The following MANBA variants were observed in gnomAD, a reference collection of about 807,000 sequenced individuals.
The protein encoded by MANBA is beta-mannosidase.
In MANBA, 83 loss-of-function variants were observed where a neutral mutation model predicts 111.1. The ratio of observed to expected loss-of-function variants is 0.75; its 90% CI spans 0.63 to 0.90. The LOEUF (loss-of-function observed/expected upper bound fraction) is 0.90, where lower values mean the gene tolerates loss of function less well. MANBA is among the 40% of genes least tolerant of loss of function. MANBA has a pLI of 0.00. For missense variants in MANBA, 1,036 were observed against 1,069.0 expected, an observed-to-expected ratio of 0.97 and a Z score of 0.43; for synonymous variants, 370 against 378.7, an observed-to-expected ratio of 0.98 and a Z score of 0.27.
chr4:102,695,642 T>G (rs1732672424), intron 5 of MANBA, among the ~76,000 whole-genome samples: 1 of 152,196 alleles, frequency 6.6e-6, no homozygotes, highest in African/African-American at 2.4e-5. Context: ...AGGCCCTGAC[T>G]GCAGCACTTC....
chr4:102,647,561 T>TACAC (rs947910366), intron 13 of MANBA, among the ~76,000 whole-genome samples: 3 of 151,356 alleles, frequency 2.0e-5, no homozygotes, highest in Non-Finnish European at 4.4e-5. Flanking sequence ...AAGTCTCTTA[T>TACAC]ACACACACAC....
Position 102,635,386 on chromosome 4 carries a change from C to T in MANBA, c.2158-341G>A, listed in dbSNP as rs145288991. Among the ~76,000 whole-genome samples, 33 of 152,296 alleles carry T rather than the reference C, an allele frequency of 2.2e-4. 1 individual carries two copies. In the East Asian group the frequency reaches 6.2e-3, roughly 28 times the overall value. On this transcript the variant is annotated intron_variant, in intron 15 of 16. Coordinates refer to ENST00000647097, the MANE Select transcript of MANBA (RefSeq NM_005908.4). Reference sequence around the variant, plus strand: ...ATTAGTGTCCTCCAAACTATAGCCACCTAAGACTTTGAGTTTCTAGCCTTT... The same window carrying T: ...ATTAGTGTCCTCCAAACTATAGCCATCTAAGACTTTGAGTTTCTAGCCTTT...
At chr4:102,694,101 G>A (rs28696020) in intron 5 of MANBA, among the ~76,000 whole-genome samples, 4,239 of 152,154 alleles carry the variant, frequency 0.028, 139 homozygotes, top group African/African-American at 0.078. Context: ...AAAGGTCATC[G>A]GCAAAATTCC....
rs1217473204 is a variant in MANBA at position 102,676,204 on chromosome 4, T to C, written c.961-2134A>G. Among the ~76,000 whole-genome samples, 6 of 152,194 alleles carry C rather than the reference T, an allele frequency of 3.9e-5. No homozygotes were observed. In the East Asian group the frequency reaches 9.6e-4, roughly 24 times the overall value. On this transcript the variant is annotated intron_variant, in intron 7 of 16. Transcript: ENST00000647097. ...ACTTACCTTTTTGTGCGTTATGCAA[T>C]GGAACATTTAAAAATAATATTTATG...
In MANBA at chr4:102,670,169, A is replaced by T. The variant is rs1006904209; in HGVS notation, c.1230+1112T>A. Among the ~76,000 whole-genome samples, 321 of 120,522 alleles carry T rather than the reference A, an allele frequency of 2.7e-3. 2 individuals carry two copies. Among genetic ancestry groups the T allele is most frequent in the African/African-American group, 8.5e-3 (310 of 36,456 alleles). 79.1% of individuals were successfully genotyped at this position (120,522 alleles called of 152,430 possible). ...GACTCCATATCAAAAAAAAAAAAAA[A>T]AAAAAAAAGATCATAGCCCCAAAGC... On this transcript the variant is annotated intron_variant, in intron 9 of 16. Coordinates refer to ENST00000647097, the MANE Select transcript of MANBA (RefSeq NM_005908.4).
Position 102,727,565 on chromosome 4 carries a change from G to A in MANBA, c.178-882C>T. The A allele has an allele frequency of 3.7e-6, 6 of 1,606,106 alleles. No individual in the cohort carries two copies. The South Asian group carries it at 6.6e-5, about 18-fold the overall frequency. ...AGCTGAATTTCAAACTGATCACCTG[G>A]GGACGAGAGCAATGGGTAATTGAAG... On this transcript the variant is annotated intron_variant, in intron 1 of 16. Transcript: ENST00000647097.
intron 7 of MANBA, among the ~76,000 whole-genome samples, chr4:102,685,571 C>A (rs1350914477): frequency 1.3e-5 from 2 of 152,062 alleles, no homozygotes; most frequent in African/African-American, 4.8e-5. Flanking sequence ...CTCCTACCTC[C>A]CAGAGACCTT....
chr4:102,633,413 T>C (rs779635988), intron 16 of MANBA: 6 of 398,542 alleles, frequency 1.5e-5, no homozygotes, highest in Non-Finnish European at 2.7e-5. Context: ...GTTATCTTCG[T>C]TGGATTGGAA....
intron 8 of MANBA, among the ~76,000 whole-genome samples, chr4:102,672,520 T>C (rs1731538882): frequency 6.6e-6 from 1 of 152,174 alleles, no homozygotes. Flanking sequence ...TTAAGGTATA[T>C]GACATAATGT....
At chr4:102,720,333 G>A (rs947462416) in intron 4 of MANBA, among the ~76,000 whole-genome samples, 3 of 152,086 alleles carry the variant, frequency 2.0e-5, no homozygotes, top group Non-Finnish European at 4.4e-5. Flanking sequence ...TACTTGGGAG[G>A]CTGAGGCAAA....
rs1729403117 is a variant in MANBA, at chr4:102,632,087, A to T, written c.2610T>A (p.Phe870Leu). The change falls in exon 17 of 17, where the codon TTT (phenylalanine) becomes TTA (leucine). Residue 870 changes from phenylalanine (F) to leucine (L), a missense_variant. Phe to Leu is a conservative substitution (Grantham distance 22, BLOSUM62 0). Transcript: ENST00000647097. ...AAATATCTGTTAAGGAGGTCACATG[A>T]AAAGATTGCTCCAACTCATTCTTGC... ...PTSKNELEQSFHVTSLTDIY is the reference protein window; with the variant it reads ...PTSKNELEQSLHVTSLTDIY The T allele has an allele frequency of 6.2e-7, 1 of 1,609,374 alleles. No homozygotes were observed. The highest frequency in any genetic ancestry group is 1.3e-5 in the African/African-American group (1 of 74,802).
At chr4:102,698,629 CTTGT>C (rs1732855114) in intron 5 of MANBA, among the ~76,000 whole-genome samples, 1 of 151,428 alleles carries the variant, frequency 6.6e-6, no homozygotes, top group Non-Finnish European at 1.5e-5. Flanking sequence ...TTCCCCATTG[CTTGT>C]TTTTCTCAGG....
intron 12 of MANBA, 77 bp downstream of exon 12, chr4:102,657,605 T>C: frequency 8.5e-7 from 1 of 1,173,250 alleles, no homozygotes; most frequent in Middle Eastern, 2.7e-4. Context: ...CATATGATTT[T>C]CTGAACCAGT....
At position 102,635,836 on chromosome 4, in the gene MANBA, G is replaced by A. The variant is rs546912203; in HGVS notation, c.2157+29C>T. The A allele has an allele frequency of 1.1e-5, 18 of 1,597,434 alleles. No individual in the cohort carries two copies. In the East Asian group the frequency reaches 1.3e-4, roughly 12 times the overall value. ...AAGAAATCATCTAAAAGTCTCCTTC[G>A]ATCTTAGAAAACAATCCAAGTAACT... On this transcript the variant is annotated intron_variant, in intron 15 of 16. Transcript: ENST00000647097.
At chr4:102,747,427 A>G (rs1338563806) in intron 1 of MANBA, among the ~76,000 whole-genome samples, 1 of 152,192 alleles carries the variant, frequency 6.6e-6, no homozygotes. Context: ...GTGCCCATCC[A>G]GATTAAAGGC....
intron 13 of MANBA, among the ~76,000 whole-genome samples, chr4:102,646,815 A>G (rs1485037836): frequency 6.6e-6 from 1 of 152,150 alleles, no homozygotes; most frequent in African/African-American, 2.4e-5. Flanking sequence ...ATCCTGGAAT[A>G]CTAGGAGAAT....
intron 5 of MANBA, among the ~76,000 whole-genome samples, chr4:102,699,243 T>G (rs1401425262): frequency 0.023 from 3,447 of 150,438 alleles, 71 homozygotes; most frequent in African/African-American, 0.064. Context: ...CTTATCAGCT[T>G]AAGGAGATTT....
chr4:102,725,392 G>C (rs1259093736), intron 2 of MANBA, among the ~76,000 whole-genome samples: 1 of 152,030 alleles, frequency 6.6e-6, no homozygotes, highest in Non-Finnish European at 1.5e-5. Flanking sequence ...AGTGCTGACA[G>C]CATGAATTAC....
intron 1 of MANBA, chr4:102,728,689 T>A: frequency 1.6e-6 from 1 of 606,632 alleles, no homozygotes; most frequent in Non-Finnish European, 2.9e-6. Context: ...CTGTGCTCCC[T>A]TCTGCTCTCT....
Sources: gnomAD v4.1 joint callset for allele counts (sites outside exome capture counted in the v4.1 genomes callset) on GRCh38, gnomAD v4.1.1 for gene constraint, MANE v1.5 for transcripts, NCBI Gene and HGNC (gene_info 2026-07-23, HGNC 2026-07-21) for gene names.